Variants in NIPBL observed in about 807,000 individuals in gnomAD.
NIPBL encodes the protein NIPBL cohesin loading factor.
In NIPBL, 19 loss-of-function variants were observed where a neutral mutation model predicts 321.8. That is an observed-to-expected ratio of 0.06 (90% CI 0.04 to 0.09). The LOEUF (loss-of-function observed/expected upper bound fraction) is 0.09, where lower values mean the gene tolerates loss of function less well. Ranked by LOEUF, NIPBL falls within the 10% of genes least tolerant of loss-of-function variation. The pLI is 1.00. For missense variants in NIPBL, 2,210 were observed against 3,327.0 expected (o/e 0.66, Z 8.26); for synonymous variants, 1,106 against 1,114.1 (o/e 0.99, Z 0.14).
At chr5:37,045,259 C>T (rs1290943608) in intron 36 of NIPBL, among the ~76,000 whole-genome samples, 184 bp from the exon 37 acceptor site, 1 of 151,982 alleles carries the variant, frequency 6.6e-6, no homozygotes, top group Non-Finnish European at 1.5e-5. Context: ...GAAGCTGAGG[C>T]AGGAGAATCA....
At chr5:37,027,228 A>G (rs1005051128) in intron 31 of NIPBL, 131 bp from the exon 32 acceptor site, 2 of 721,470 alleles carry the variant, frequency 2.8e-6, no homozygotes, top group Non-Finnish European at 4.9e-6. Flanking sequence ...TACTGAAAAA[A>G]TAGTTTACTT....
chr5:36,878,177 G>T (rs1745237847), intron 1 of NIPBL, among the ~76,000 whole-genome samples: 1 of 152,154 alleles, frequency 6.6e-6, no homozygotes, highest in African/African-American at 2.4e-5. Context: ...TCCTTGGGAG[G>T]TTAAAAAATT....
intron 9 of NIPBL, among the ~76,000 whole-genome samples, chr5:36,977,530 A>G (rs762629199): frequency 1.3e-4 from 19 of 151,910 alleles, no homozygotes; most frequent in Admixed American, 2.6e-4. Flanking sequence ...TAAATCAGAA[A>G]TAGATGCAAA....
At chr5:36,881,082 T>C (rs909254894) in intron 1 of NIPBL, among the ~76,000 whole-genome samples, 1 of 152,072 alleles carries the variant, frequency 6.6e-6, no homozygotes, top group Non-Finnish European at 1.5e-5. Context: ...ATTTTTCTTG[T>C]CTTTGAGAGA....
chr5:37,029,929 A>C (rs1750764466), intron 32 of NIPBL, among the ~76,000 whole-genome samples: 2 of 152,170 alleles, frequency 1.3e-5, no homozygotes, highest in African/African-American at 2.4e-5. Flanking sequence ...ATATCATAGA[A>C]CCTTATGACC....
At chr5:36,958,822 A>C (rs1370671890) in intron 4 of NIPBL, among the ~76,000 whole-genome samples, 4 of 152,190 alleles carry the variant, frequency 2.6e-5, no homozygotes, top group Non-Finnish European at 5.9e-5. Context: ...GACAAGCCCA[A>C]GTGCCTGTTT....
Position 36,947,840 on chromosome 5 carries a change from G to T in NIPBL, c.-79-5778G>T, listed in dbSNP as rs185701415. On this transcript the variant is annotated intron_variant, in intron 1 of 46. Transcript: ENST00000282516. Reference sequence around the variant, plus strand: ...ACCCGACCCCTAATCATTGTTAAAGGTTTAATAATGTTCTTTTTTTTCATG... The same window carrying T: ...ACCCGACCCCTAATCATTGTTAAAGTTTTAATAATGTTCTTTTTTTTCATG... Among the ~76,000 whole-genome samples, 11 of 151,852 alleles carry T rather than the reference G, an allele frequency of 7.2e-5. No individual in the cohort carries two copies. In the East Asian group the frequency reaches 2.1e-3, roughly 29 times the overall value.
intron 6 of NIPBL, 40 bp downstream of exon 6, chr5:36,962,314 T>TTTAG (rs1436090983): frequency 6.2e-7 from 1 of 1,609,112 alleles, no homozygotes; most frequent in Admixed American, 1.7e-5. Context: ...AATGTCTAAG[T>TTTAG]GCTTTAATTC....
chr5:37,027,510 C>A, intron 32 of NIPBL, 98 bp downstream of exon 32: 1 of 798,316 alleles, frequency 1.3e-6, no homozygotes, highest in Non-Finnish European at 2.1e-6. Flanking sequence ...TTAAAAGAAC[C>A]TTTTTAGTTC....
At chr5:37,039,848 C>A (rs1230452517) in intron 34 of NIPBL, among the ~76,000 whole-genome samples, 1 of 152,056 alleles carries the variant, frequency 6.6e-6, no homozygotes, top group African/African-American at 2.4e-5. Context: ...CATGCATTTA[C>A]TTCTGAGACA....
intron 25 of NIPBL, among the ~76,000 whole-genome samples, chr5:37,019,854 A>T (rs1373964514): frequency 6.6e-6 from 1 of 152,250 alleles, no homozygotes; most frequent in Non-Finnish European, 1.5e-5. Flanking sequence ...CAAAATTTAT[A>T]AACTATTATT....
intron 1 of NIPBL, among the ~76,000 whole-genome samples, chr5:36,895,078 A>C (rs1296137330): frequency 2.0e-5 from 3 of 152,198 alleles, no homozygotes; most frequent in Non-Finnish European, 4.4e-5. Context: ...AAAGTTATGC[A>C]TTCATCATTA....
intron 1 of NIPBL, among the ~76,000 whole-genome samples, chr5:36,939,005 CTTG>C (rs545111050): frequency 1.4e-4 from 21 of 151,990 alleles, no homozygotes; most frequent in Non-Finnish European, 2.2e-4. Context: ...CACCTGCGCT[CTTG>C]TTGTTTGTTT....
intron 32 of NIPBL, among the ~76,000 whole-genome samples, chr5:37,030,633 T>C (rs577194111): frequency 6.6e-6 from 1 of 152,338 alleles, no homozygotes; most frequent in African/African-American, 2.4e-5. Flanking sequence ...GTTTGTTTTT[T>C]GTAGATCATT....
At chr5:37,014,200 A>AGAGAGGGAGAGGGAGACCGTG (rs1164814763) in intron 21 of NIPBL, among the ~76,000 whole-genome samples, 5 of 151,752 alleles carry the variant, frequency 3.3e-5, no homozygotes, top group Admixed American at 6.6e-5. Flanking sequence ...GACCGTGGAA[A>AGAGAGGGAGAGGGAGACCGTG]GAGAGGGAGA....
intron 1 of NIPBL, among the ~76,000 whole-genome samples, chr5:36,924,467 T>G (rs923668972): frequency 2.0e-5 from 3 of 152,186 alleles, no homozygotes; most frequent in Non-Finnish European, 4.4e-5. Flanking sequence ...ATTAGCTGTG[T>G]GAACTTAGGC....
At chr5:36,925,207 A>G (rs1279829956) in intron 1 of NIPBL, among the ~76,000 whole-genome samples, 3 of 152,064 alleles carry the variant, frequency 2.0e-5, no homozygotes, top group Non-Finnish European at 2.9e-5. Context: ...CTTTTCTAGT[A>G]TATCATATCT....
At chr5:37,026,499 G>A (rs552861603) in intron 31 of NIPBL, among the ~76,000 whole-genome samples, 172 bp downstream of exon 31, 5 of 152,104 alleles carry the variant, frequency 3.3e-5, no homozygotes, top group Non-Finnish European at 5.9e-5. Flanking sequence ...GTAACATGTC[G>A]TTGATGCTTC....
chr5:36,933,071 C>T (rs1749902802), intron 1 of NIPBL, among the ~76,000 whole-genome samples: 1 of 151,932 alleles, frequency 6.6e-6, no homozygotes, highest in South Asian at 2.1e-4. Flanking sequence ...CTTAATTTAT[C>T]ACAATCTACT....
Sources: gnomAD v4.1 joint callset for allele counts (sites outside exome capture counted in the v4.1 genomes callset) on GRCh38, gnomAD v4.1.1 for gene constraint, MANE v1.5 for transcripts, NCBI Gene and HGNC (gene_info 2026-07-23, HGNC 2026-07-21) for gene names.